The following GRM8 variants were observed in gnomAD, a reference collection of about 807,000 sequenced individuals.
GRM8 encodes glutamate metabotropic receptor 8, also known as metabotropic glutamate receptor 8.
A neutral mutation model predicts 87.2 loss-of-function variants in GRM8; 47 were observed. The ratio of observed to expected loss-of-function variants is 0.54; its 90% confidence interval spans 0.43 to 0.69. The LOEUF (loss-of-function observed/expected upper bound fraction) is 0.69. GRM8 is among the 30% of genes least tolerant of loss of function. The pLI, the probability that GRM8 is intolerant of heterozygous loss-of-function variation, is 0.00. For missense variants in GRM8, 1,019 were observed against 1,139.2 expected, an observed-to-expected ratio of 0.89 and a Z score of 1.52; for synonymous variants, 396 against 404.5, an observed-to-expected ratio of 0.98 and a Z score of 0.25.
intron 7 of GRM8, among the ~76,000 whole-genome samples, chr7:126,698,148 G>A (rs1397434796): frequency 1.3e-5 from 2 of 152,088 alleles, no homozygotes; most frequent in Non-Finnish European, 2.9e-5. Context: ...TCAAATTAAA[G>A]GAGTCTCTGA....
chr7:126,684,100 G>A (rs1386895467), intron 7 of GRM8, among the ~76,000 whole-genome samples: 1 of 152,140 alleles, frequency 6.6e-6, no homozygotes, highest in Non-Finnish European at 1.5e-5. Flanking sequence ...AGAGAGGATG[G>A]AAGACAGGGA....
intron 6 of GRM8, among the ~76,000 whole-genome samples, chr7:126,885,091 G>C (rs1800365672): frequency 6.6e-6 from 1 of 152,182 alleles, no homozygotes; most frequent in Non-Finnish European, 1.5e-5. Context: ...AGCTGGCCTT[G>C]CTGAGAGTGA....
chr7:126,469,543 C>T (rs983060750), intron 9 of GRM8, among the ~76,000 whole-genome samples: 1 of 152,070 alleles, frequency 6.6e-6, no homozygotes, highest in Non-Finnish European at 1.5e-5. Context: ...AGGGTGGTTA[C>T]CTCCAGGCCA....
chr7:127,136,359 C>T (rs907876557), intron 2 of GRM8, among the ~76,000 whole-genome samples: 1 of 152,098 alleles, frequency 6.6e-6, no homozygotes, highest in African/African-American at 2.4e-5. Context: ...AGAAGCATCA[C>T]TTCTAATAGC....
At chr7:127,153,354 G>A (rs1042987282) in intron 2 of GRM8, among the ~76,000 whole-genome samples, 6 of 152,148 alleles carry the variant, frequency 3.9e-5, no homozygotes, top group Non-Finnish European at 7.4e-5. Flanking sequence ...TAAAAAAATT[G>A]ATAGCACAAG....
intron 7 of GRM8, among the ~76,000 whole-genome samples, chr7:126,705,707 A>T (rs904795459): frequency 6.6e-6 from 1 of 152,220 alleles, no homozygotes; most frequent in East Asian, 1.9e-4. Flanking sequence ...ATAGTCATTA[A>T]GAGATGTAAA....
chr7:126,753,346 C>A (rs1248288729), intron 7 of GRM8, among the ~76,000 whole-genome samples: 1 of 151,450 alleles, frequency 6.6e-6, no homozygotes, highest in Non-Finnish European at 1.5e-5. Flanking sequence ...CTACACAGGA[C>A]AATTAGGGCT....
intron 3 of GRM8, among the ~76,000 whole-genome samples, chr7:127,011,264 C>T (rs1814864123): frequency 6.6e-6 from 1 of 152,022 alleles, no homozygotes. Context: ...GGAGATGCTG[C>T]CCCAGAAAAA....
chr7:127,034,407 T>C (rs541459560), intron 3 of GRM8, among the ~76,000 whole-genome samples: 28 of 152,194 alleles, frequency 1.8e-4, no homozygotes, highest in Non-Finnish European at 3.8e-4. Context: ...AAAGCCCATA[T>C]TACAGACCTC....
chr7:126,945,294 A>T (rs1267062273), intron 3 of GRM8, among the ~76,000 whole-genome samples: 1 of 152,208 alleles, frequency 6.6e-6, no homozygotes, highest in Non-Finnish European at 1.5e-5. Context: ...GAAAATCTCT[A>T]TGTTACAAAT....
At chr7:126,574,852 C>T (rs886754915) in intron 8 of GRM8, among the ~76,000 whole-genome samples, 1 of 152,084 alleles carries the variant, frequency 6.6e-6, no homozygotes, top group Admixed American at 6.6e-5. Flanking sequence ...ATCGACCTGA[C>T]TGTTAAGGTG....
chr7:126,982,516 T>C (rs900103833), intron 3 of GRM8, among the ~76,000 whole-genome samples: 1 of 152,198 alleles, frequency 6.6e-6, no homozygotes, highest in Non-Finnish European at 1.5e-5. Context: ...CTATCCTTTA[T>C]ACAACTAGAA....
At chr7:127,203,226 T>G (rs1477967618) in intron 2 of GRM8, among the ~76,000 whole-genome samples, 1 of 151,998 alleles carries the variant, frequency 6.6e-6, no homozygotes, top group African/African-American at 2.4e-5. Flanking sequence ...AAATTTGGGG[T>G]TTTGATGGGG....
chr7:126,812,192 T>C (rs975005524), intron 6 of GRM8, among the ~76,000 whole-genome samples: 1 of 152,056 alleles, frequency 6.6e-6, no homozygotes, highest in African/African-American at 2.4e-5. Flanking sequence ...ACCATTTGCA[T>C]AGCATTTACA....
intron 8 of GRM8, among the ~76,000 whole-genome samples, chr7:126,549,378 A>G (rs1214564717): frequency 1.3e-5 from 2 of 152,164 alleles, no homozygotes; most frequent in Non-Finnish European, 2.9e-5. Flanking sequence ...AGAAAAGCCC[A>G]ATAAAATTCA....
At chr7:126,941,617 C>A (rs1323223907) in intron 3 of GRM8, among the ~76,000 whole-genome samples, 1 of 146,138 alleles carries the variant, frequency 6.8e-6, no homozygotes, top group Non-Finnish European at 1.5e-5. Flanking sequence ...AAGACTCTGT[C>A]TCAAAAAAAA....
intron 2 of GRM8, among the ~76,000 whole-genome samples, chr7:127,189,323 G>T (rs1420148100): frequency 2.0e-5 from 3 of 152,198 alleles, no homozygotes; most frequent in Non-Finnish European, 4.4e-5. Flanking sequence ...CCAGTGCAGA[G>T]AAGTGGCTTT....
intron 3 of GRM8, among the ~76,000 whole-genome samples, chr7:127,100,006 GGAGTGAT>G (rs1429470475): frequency 6.6e-6 from 1 of 152,096 alleles, no homozygotes; most frequent in Non-Finnish European, 1.5e-5. Context: ...GGCAGAGACT[GGAGTGAT>G]GCATCTACAA....
At chr7:126,935,077 T>C (rs1452552382) in intron 3 of GRM8, among the ~76,000 whole-genome samples, 2 of 152,276 alleles carry the variant, frequency 1.3e-5, no homozygotes, top group South Asian at 4.2e-4. Context: ...TAACATCATC[T>C]ATGGACCCAT....
Sources: allele counts gnomAD v4.1 joint callset (sites outside exome capture counted in the v4.1 genomes callset), GRCh38; gene constraint gnomAD v4.1.1; transcripts MANE v1.5; gene names NCBI Gene and HGNC (gene_info 2026-07-23, HGNC 2026-07-21).